Variants in FNDC1 observed in about 807,000 individuals in gnomAD.
FNDC1 encodes fibronectin type III domain-containing protein 1.
Under a neutral mutation model 168.0 loss-of-function variants are expected in FNDC1, and 96 were observed. That is an observed-to-expected ratio of 0.57 (90% CI 0.48 to 0.68). FNDC1 has a LOEUF of 0.68. Among genes scored for constraint, FNDC1 ranks in the 30% least tolerant of loss-of-function variants. The pLI is 0.00. For missense variants in FNDC1, 2,587 were observed against 2,482.1 expected (o/e 1.04, Z -0.90); for synonymous variants, 1,099 against 1,025.9 (o/e 1.07, Z -1.36).
chr6:159,251,310 G>T lies in FNDC1; in HGVS notation c.4843G>T (p.Val1615Leu). The change falls in exon 17 of 23, where the codon GTG (valine) becomes TTG (leucine). Residue 1615 changes from valine (V) to leucine (L), a missense_variant. By Grantham distance (32) the Val-to-Leu change is conservative. Coordinates refer to ENST00000297267, the MANE Select transcript of FNDC1 (RefSeq NM_032532.3). ...TCTCTGTTCTTTTCCAGCTCCTTAC[G>T]TGACGTACCTAAATAAAGACCCATC... ...AGRKRFVAPY[V>L]TYLNKDPSAP... The T allele has an allele frequency of 6.2e-7, 1 of 1,613,236 alleles. No individual in the cohort carries two copies. The highest frequency in any genetic ancestry group is 8.5e-7 in the Non-Finnish European group (1 of 1,179,430).
chr6:159,230,067 C>A, intron 10 of FNDC1, 64 bp downstream of exon 10: 1 of 1,464,882 alleles, frequency 6.8e-7, no homozygotes, highest in South Asian at 1.4e-5. Flanking sequence ...GTTTTGTGTT[C>A]CTTTGAATCA....
intron 12 of FNDC1, among the ~76,000 whole-genome samples, chr6:159,238,104 T>C (rs1427875627): frequency 1.3e-5 from 2 of 151,564 alleles, no homozygotes; most frequent in Non-Finnish European, 2.9e-5. Flanking sequence ...GTACTTTTTT[T>C]TTTTTTTTTT....
At chr6:159,210,746 A>G (rs1782584918) in intron 4 of FNDC1, among the ~76,000 whole-genome samples, 1 of 152,170 alleles carries the variant, frequency 6.6e-6, no homozygotes, top group African/African-American at 2.4e-5. Context: ...CCTGGGCATG[A>G]GCTGGGGTCA....
At chr6:159,268,197 T>C (rs1202005296) in intron 22 of FNDC1, among the ~76,000 whole-genome samples, 3 of 152,110 alleles carry the variant, frequency 2.0e-5, no homozygotes, top group Non-Finnish European at 4.4e-5. Context: ...CACCGTGATA[T>C]GTTTCAGGAG....
rs762961480 is a variant in FNDC1 at position 159,236,300 on chromosome 6, T to G, written c.4053T>G (p.Pro1351=). The change falls in exon 12 of 23, where the codon CCT becomes CCG. Residue 1351 remains proline, a synonymous_variant. Coordinates refer to ENST00000297267, the MANE Select transcript of FNDC1 (RefSeq NM_032532.3). The part of the protein sequence containing the change: ...KPNGQRIING[P]QGTKWVVDLD... ...ATGGACAGAGAATTATCAATGGCCC[T>G]CAAGGAACAAAGTGGGTAGGGTAAA... The G allele has an allele frequency of 3.7e-6, 6 of 1,613,088 alleles. No individual in the cohort carries two copies. The East Asian group carries it at 1.1e-4, about 30-fold the overall frequency.
At chr6:159,196,613 A>G (rs776140425) in intron 1 of FNDC1, among the ~76,000 whole-genome samples, 2 of 152,170 alleles carry the variant, frequency 1.3e-5, no homozygotes, top group African/African-American at 2.4e-5. Flanking sequence ...GCTTTACTCA[A>G]TAGTCAGTTT....
At chr6:159,189,252 C>G (rs767515534) in intron 1 of FNDC1, among the ~76,000 whole-genome samples, 1 of 152,144 alleles carries the variant, frequency 6.6e-6, no homozygotes, top group Non-Finnish European at 1.5e-5. Context: ...GAACTCTCTC[C>G]TCACCTCTGG....
At chr6:159,261,168 A>C (rs1464790414) in intron 18 of FNDC1, 22 bp from the exon 19 acceptor site, 5 of 1,577,426 alleles carry the variant, frequency 3.2e-6, no homozygotes, top group Non-Finnish European at 4.3e-6. Flanking sequence ...CTCTTTCAAA[A>C]TATATCTTCT....
chr6:159,240,898 G>C (rs530738637), intron 14 of FNDC1: 17 of 152,280 alleles, frequency 1.1e-4, no homozygotes, highest in South Asian at 4.1e-4. Context: ...TTTAAACCAA[G>C]GCAGAGTGAA....
Position 159,232,992 on chromosome 6 carries a change from C to T in FNDC1, c.2480C>T (p.Ala827Val). The T allele has an allele frequency of 1.9e-6, 3 of 1,612,298 alleles. No individual in the cohort carries two copies. Among genetic ancestry groups the T allele is most frequent in the African/African-American group, 1.3e-5 (1 of 75,046 alleles). The stretch of plus-strand genomic sequence containing the variant: ...TTGCTCAGACACAAACCCTTTGCTG[C>T]CAACGGGAGGTCTCCAAGCAGGTTC... ...FHLLRHKPFA[A>V]NGRSPSRFSI... The change falls in exon 11 of 23, where the codon GCC becomes GTC. Residue 827 changes from alanine (A) to valine (V), a missense_variant. Physicochemically the swap from Ala to Val is moderately conservative, Grantham distance 64 (BLOSUM62 0). Coordinates refer to ENST00000297267, the MANE Select transcript of FNDC1 (RefSeq NM_032532.3). This position sits in a 1 kb window ranked among gnomAD's most constrained non-coding sequence, Gnocchi z 4.9.
intron 18 of FNDC1, among the ~76,000 whole-genome samples, chr6:159,258,225 GGCTGGGCT>G (rs1189276142): frequency 6.6e-6 from 1 of 152,150 alleles, no homozygotes; most frequent in Non-Finnish European, 1.5e-5. Context: ...GGAACATCTG[GGCTGGGCT>G]GGGGAAAATA....
chr6:159,221,258 C>T (rs554825497), intron 5 of FNDC1, among the ~76,000 whole-genome samples: 6 of 152,072 alleles, frequency 3.9e-5, no homozygotes, highest in East Asian at 1.9e-4. Context: ...TGTGGGTAAA[C>T]GTGTTATTCT....
rs879864819 is a variant in FNDC1, at chr6:159,192,839, C to T, written c.110-4592C>T. On this transcript the variant is annotated intron_variant, in intron 1 of 22. Coordinates refer to ENST00000297267, the MANE Select transcript of FNDC1 (RefSeq NM_032532.3). ...CCAGGACAGCTTTTTCAGAGCCTTC[C>T]GGTCTCTAGAGGGAGGGAGGGGAGG... Among the ~76,000 whole-genome samples the T allele has an allele frequency of 7.2e-5, 11 of 152,230 alleles. 1 individual carries two copies. The South Asian group carries it at 8.3e-4, about 11-fold the overall frequency.
intron 19 of FNDC1, 49 bp downstream of exon 19, chr6:159,261,318 A>G (rs1426872595): frequency 2.3e-6 from 3 of 1,303,568 alleles, no homozygotes; most frequent in African/African-American, 1.5e-5. Flanking sequence ...GAGAAAATGA[A>G]ATAAATAATC....
chr6:159,246,001 G>C lies in FNDC1; in HGVS notation c.4622-900G>C, dbSNP rs1461624294. 9.0e-4 allele frequency among the ~76,000 whole-genome samples: 3 copies of C among 3,324 alleles called. 1 individual carries two copies. Among genetic ancestry groups the C allele is most frequent in the African/African-American group, 2.1e-3 (3 of 1,416 alleles). 2.2% of individuals were successfully genotyped at this position (3,324 alleles called of 152,430 possible). On this transcript the variant is annotated intron_variant, in intron 14 of 22. Transcript: ENST00000297267. ...GATCTCCTGACCTTGTGATCCGCCC[G>C]CCTCGGCCTCCCAAAGTGCTGGGAT... is the stretch of plus-strand genomic sequence containing the variant.
intron 17 of FNDC1, among the ~76,000 whole-genome samples, 186 bp downstream of exon 17, chr6:159,251,718 C>T: frequency 6.6e-6 from 1 of 152,182 alleles, no homozygotes; most frequent in East Asian, 1.9e-4. Context: ...ATGGAAGCCT[C>T]ATGGGGTAGG....
chr6:159,230,354 T>C (rs536902208), intron 10 of FNDC1, among the ~76,000 whole-genome samples: 1 of 152,310 alleles, frequency 6.6e-6, no homozygotes, highest in East Asian at 1.9e-4. Context: ...TCAATTTCTA[T>C]GTAGCTTTAA....
intron 14 of FNDC1, among the ~76,000 whole-genome samples, chr6:159,246,444 G>A (rs1777125956): frequency 6.6e-6 from 1 of 152,222 alleles, no homozygotes; most frequent in Non-Finnish European, 1.5e-5. Context: ...GTTCACATGT[G>A]AGGGGCTTTT....
At chr6:159,202,053 T>C (rs1331425093) in intron 4 of FNDC1, among the ~76,000 whole-genome samples, 2 of 152,214 alleles carry the variant, frequency 1.3e-5, no homozygotes, top group Non-Finnish European at 2.9e-5. Context: ...TTGTATGTAT[T>C]GTGAGATTAT....
Sources: gnomAD v4.1 joint callset for allele counts (sites outside exome capture counted in the v4.1 genomes callset) on GRCh38, gnomAD v4.1.1 for gene constraint, Gnocchi (gnomAD v3.1) non-coding constraint, MANE v1.5 for transcripts, NCBI Gene and HGNC (gene_info 2026-07-23, HGNC 2026-07-21) for gene names.